Variants in LMNB2 observed in about 807,000 individuals in gnomAD.
LMNB2 encodes lamin-B2.
A neutral mutation model predicts 69.3 loss-of-function variants in LMNB2; 17 were observed. The observed-to-expected ratio is 0.25, with a 90% CI of 0.17 to 0.37. LMNB2 has a LOEUF of 0.37. Ranked by LOEUF, LMNB2 falls within the 10% of genes least tolerant of loss-of-function variation. The pLI is 1.00. For missense variants in LMNB2, 789 were observed against 883.6 expected, an observed-to-expected ratio of 0.89 and a Z score of 1.36; for synonymous variants, 397 against 389.3, an observed-to-expected ratio of 1.02 and a Z score of -0.23.
At position 2,429,989 on chromosome 19, in the gene LMNB2, A is replaced by C. The variant is rs1198407340; in HGVS notation, c.*922T>G. ...GCACAGTATGGATAGACGCATGTGT[A>C]TATATAGGCACAGGGCAGACGGAGC... On this transcript the variant is annotated 3_prime_UTR_variant, in exon 12 of 12. Coordinates refer to ENST00000325327, the MANE Select transcript of LMNB2 (RefSeq NM_032737.4). 1 of 152,264 alleles carries C rather than the reference A, an allele frequency of 6.6e-6. No homozygotes were observed. The highest frequency in any genetic ancestry group is 2.4e-5 in the African/African-American group (1 of 41,418). The allele number at this position is 152,264 out of a possible 1,614,324, so 9.4% of individuals were successfully genotyped here.
intron 2 of LMNB2, among the ~76,000 whole-genome samples, chr19:2,440,753 CATCCATCATCTATCTATCCATTATCT>C (rs928301768): frequency 9.9e-5 from 15 of 151,790 alleles, no homozygotes; most frequent in Non-Finnish European, 2.1e-4. Context: ...TCCACTCATC[CATCCATCATCTATCTATCCATTATCT>C]ATCCATCATC....
chr19:2,446,249 G>A (rs2145465269), intron 1 of LMNB2, among the ~76,000 whole-genome samples: 1 of 149,614 alleles, frequency 6.7e-6, no homozygotes, highest in South Asian at 2.1e-4. Context: ...CGGAGACCCA[G>A]CCCAGCCAGC....
rs901076613 is a variant in LMNB2, at chr19:2,447,406, C to T, written c.265-2866G>A. Among the ~76,000 whole-genome samples the T allele has an allele frequency of 1.3e-5, 2 of 151,980 alleles. No individual in the cohort carries two copies. Among genetic ancestry groups the T allele is most frequent in the African/African-American group, 4.8e-5 (2 of 41,382 alleles). On this transcript the variant is annotated intron_variant, in intron 1 of 11. Coordinates refer to ENST00000325327, the MANE Select transcript of LMNB2 (RefSeq NM_032737.4). The surrounding 1 kb of genome is among the most constrained non-coding windows in gnomAD (Gnocchi z 4.4). Reference sequence around the variant, plus strand: ...ACACAGGCAGCGGGTGTGTGGGCAGCGGGGCTGGAGAAGGGGACGGGGAGT... The same window carrying T: ...ACACAGGCAGCGGGTGTGTGGGCAGTGGGGCTGGAGAAGGGGACGGGGAGT...
chr19:2,442,468 C>T (rs1433247759), intron 2 of LMNB2, among the ~76,000 whole-genome samples: 1 of 152,130 alleles, frequency 6.6e-6, no homozygotes, highest in Non-Finnish European at 1.5e-5. Flanking sequence ...ATTCAGGAGG[C>T]TGAGGCAGGA....
At chr19:2,432,594 T>TG in intron 8 of LMNB2, 71 bp from the exon 9 acceptor site, 1 of 1,292,424 alleles carries the variant, frequency 7.7e-7, no homozygotes, top group Non-Finnish European at 1.1e-6. Flanking sequence ...CCCTGGCTGG[T>TG]GGCCCCATCA....
chr19:2,456,212 A>T (rs1477281462), intron 1 of LMNB2, among the ~76,000 whole-genome samples: 1 of 148,788 alleles, frequency 6.7e-6, no homozygotes, highest in Non-Finnish European at 1.5e-5. Flanking sequence ...ATCCCAGCTC[A>T]GGGTTCCCCG....
intron 1 of LMNB2, among the ~76,000 whole-genome samples, chr19:2,455,204 G>A (rs1972073828): frequency 6.6e-6 from 1 of 151,980 alleles, no homozygotes. Flanking sequence ...GATTCATCAG[G>A]GAACTCGCTA....
At chr19:2,434,757 G>A in intron 6 of LMNB2, 31 bp downstream of exon 6, 2 of 1,587,112 alleles carry the variant, frequency 1.3e-6, no homozygotes, top group Non-Finnish European at 1.7e-6. Context: ...TGGGCCAGGG[G>A]GACGGCAGAC....
Position 2,445,621 on chromosome 19 carries a change from C to T in LMNB2, c.265-1081G>A, listed in dbSNP as rs542989331. 4.1e-5 allele frequency among the ~76,000 whole-genome samples: 5 copies of T among 121,996 alleles called. No homozygotes were observed. In the East Asian group the frequency reaches 1.3e-3, roughly 32 times the overall value. The allele number at this position is 121,996 out of a possible 152,430, so 80.0% of individuals were successfully genotyped here. A position where few individuals can be genotyped will look rare whatever the true frequency, so the allele number is the denominator to read the frequency against. The stretch of plus-strand genomic sequence containing the variant: ...CACCAGCGGCCCCCACCTTTCACCC[C>T]TCGATCACAGGGATCTGCAGTCAGA... On this transcript the variant is annotated intron_variant, in intron 1 of 11. Coordinates refer to ENST00000325327, the MANE Select transcript of LMNB2 (RefSeq NM_032737.4).
intron 1 of LMNB2, among the ~76,000 whole-genome samples, chr19:2,449,792 A>G (rs1971999607): frequency 1.3e-5 from 2 of 151,594 alleles, no homozygotes; most frequent in African/African-American, 4.9e-5. Flanking sequence ...AAATATACAT[A>G]TGTCTGGGCG....
At chr19:2,438,652 T>C in intron 2 of LMNB2, 121 bp from the exon 3 acceptor site, 1 of 1,243,424 alleles carries the variant, frequency 8.0e-7, no homozygotes, top group South Asian at 1.5e-5. Flanking sequence ...GCCCCAGACC[T>C]TCCCGTCCTG....
Position 2,430,956 on chromosome 19 carries a change from C to T in LMNB2, c.1822-4G>A. On this transcript the variant is annotated splice_polypyrimidine_tract_variant and splice_region_variant and intron_variant, in intron 11 of 11. Transcript: ENST00000325327. ...TTGAGGTGGTCCTCGGGTCCCCCTG[C>T]AGGAAGGAAGGAAGGAAGGTCGGCC... 3.7e-6 allele frequency: 6 copies of T among 1,607,356 alleles called. No individual in the cohort carries two copies. The highest frequency in any genetic ancestry group is 5.1e-6 in the Non-Finnish European group (6 of 1,174,328).
rs1971711149 is a variant in LMNB2 at position 2,429,702 on chromosome 19, C to T, written c.*1209G>A. The stretch of plus-strand genomic sequence containing the variant: ...GGAGGGTGCCCCAGCCCCACGCCAC[C>T]CCGGGGAGGAGGGTCAGCCTGTCCT... On this transcript the variant is annotated 3_prime_UTR_variant, in exon 12 of 12. Coordinates refer to ENST00000325327, the MANE Select transcript of LMNB2 (RefSeq NM_032737.4). 6.6e-6 allele frequency: 1 copy of T among 152,416 alleles called. No individual in the cohort carries two copies. Among genetic ancestry groups the T allele is most frequent in the Non-Finnish European group, 1.5e-5 (1 of 68,210 alleles). 9.4% of individuals were successfully genotyped at this position (152,416 alleles called of 1,614,324 possible). A position where few individuals can be genotyped will look rare whatever the true frequency, so the allele number is the denominator to read the frequency against.
intron 2 of LMNB2, 109 bp downstream of exon 2, chr19:2,444,295 G>C (rs1341424997): frequency 1.5e-6 from 2 of 1,308,130 alleles, no homozygotes; most frequent in Non-Finnish European, 2.2e-6. Context: ...TGAGCTCCAG[G>C]CTGTGCCCGT....
chr19:2,439,953 G>T (rs1257290887), intron 2 of LMNB2, among the ~76,000 whole-genome samples: 2 of 151,862 alleles, frequency 1.3e-5, no homozygotes, highest in African/African-American at 4.8e-5. Context: ...GGCTGGTCTC[G>T]AACTCCCAAC....
rs527909188 is a variant in LMNB2 at position 2,443,162 on chromosome 19, G to A, written c.401+1242C>T. 2.6e-5 allele frequency among the ~76,000 whole-genome samples: 4 copies of A among 152,352 alleles called. No homozygotes were observed. The East Asian group carries it at 7.7e-4, about 29-fold the overall frequency. ...GTGCTGAGAGTGGGCAGCCTGTCCT[G>A]GCTGGTGCCTGGCCCCAGGGTCCCC... is the stretch of plus-strand genomic sequence containing the variant. On this transcript the variant is annotated intron_variant, in intron 2 of 11. Coordinates refer to ENST00000325327, the MANE Select transcript of LMNB2 (RefSeq NM_032737.4). The surrounding 1 kb of genome is among the most constrained non-coding windows in gnomAD (Gnocchi z 6.2).
intron 1 of LMNB2, among the ~76,000 whole-genome samples, chr19:2,452,030 C>T (rs1972027861): frequency 6.6e-6 from 1 of 152,100 alleles, no homozygotes; most frequent in African/African-American, 2.4e-5. Flanking sequence ...CGCGCCTGGA[C>T]ACGGGCCACA....
chr19:2,455,959 A>G (rs934722683), intron 1 of LMNB2, among the ~76,000 whole-genome samples: 25 of 141,080 alleles, frequency 1.8e-4, no homozygotes, highest in African/African-American at 6.4e-4. Flanking sequence ...CCAAGCCGGG[A>G]CCCTTCCCGG....
chr19:2,444,360 G>T, intron 2 of LMNB2, 44 bp downstream of exon 2: 6 of 1,611,362 alleles, frequency 3.7e-6, no homozygotes, highest in Non-Finnish European at 5.1e-6. Flanking sequence ...CCACCCCGTG[G>T]TGCCAGGATC....
Sources: allele counts gnomAD v4.1 joint callset (sites outside exome capture counted in the v4.1 genomes callset), GRCh38; gene constraint gnomAD v4.1.1; non-coding constraint Gnocchi (gnomAD v3.1); transcripts MANE v1.5; gene names NCBI Gene and HGNC (gene_info 2026-07-23, HGNC 2026-07-21).